Variants in SLC2A9 observed in about 807,000 individuals in gnomAD.
SLC2A9 encodes the protein solute carrier family 2 member 9.
SLC2A9 carries 39 observed loss-of-function variants against 50.6 expected under a neutral mutation model. That is an observed-to-expected ratio of 0.77 (90% CI 0.60 to 1.01). The LOEUF (loss-of-function observed/expected upper bound fraction) is 1.01. Ranked by LOEUF, SLC2A9 falls within the 50% of genes least tolerant of loss-of-function variation. The probability of loss-of-function intolerance (pLI) is 0.00; values close to 1 mark genes in which losing one functional copy is unlikely to be tolerated. For synonymous variants in SLC2A9, 324 were observed against 276.9 expected (o/e 1.17, Z -1.69); for missense variants, 686 against 677.6 (o/e 1.01, Z -0.14).
intron 3 of SLC2A9, among the ~76,000 whole-genome samples, chr4:9,808,071 G>C (rs1722362698): frequency 6.6e-6 from 1 of 152,156 alleles, no homozygotes; most frequent in African/African-American, 2.4e-5. Flanking sequence ...GCCATCTCTG[G>C]GCTGGGTGGC....
Position 9,931,950 on chromosome 4 carries a change from C to A in SLC2A9, c.814+9963G>T, listed in dbSNP as rs867750789. Among the ~76,000 whole-genome samples the A allele has an allele frequency of 1.4e-3, 80 of 58,502 alleles. 2 individuals carry two copies. Among genetic ancestry groups the A allele is most frequent in the African/African-American group, 2.1e-3 (19 of 9,016 alleles). 38.4% of individuals were successfully genotyped at this position (58,502 alleles called of 152,430 possible). ...TCTCTCTCTCTCTCTCTCTCTCTCT[C>A]TCTCTCTCTCTCTATATATATATAT... On this transcript the variant is annotated intron_variant, in intron 6 of 11. Transcript: ENST00000264784.
rs555949156 is a variant in SLC2A9, at chr4:10,039,735, A to G, written c.-41+395T>C. On this transcript the variant is annotated intron_variant, in intron 1 of 12. Transcript: ENST00000309065. ...ACTGGTCTCACCATGGCCCATCTCC[A>G]CTCTCCAGTCCAATTCTCTACAGCA... Among the ~76,000 whole-genome samples the G allele has an allele frequency of 1.6e-3, 235 of 151,420 alleles. 3 individuals carry two copies. Among genetic ancestry groups the G allele is most frequent in the African/African-American group, 4.3e-3 (177 of 41,234 alleles).
intron 6 of SLC2A9, among the ~76,000 whole-genome samples, chr4:9,938,949 G>C (rs551815160): frequency 3.3e-5 from 5 of 152,036 alleles, no homozygotes; most frequent in Non-Finnish European, 5.9e-5. Flanking sequence ...TCCCGAAAGG[G>C]GCCTCTTGTC....
chr4:9,790,752 G>C (rs1046925617), intron 3 of SLC2A9, among the ~76,000 whole-genome samples: 7 of 152,142 alleles, frequency 4.6e-5, no homozygotes, highest in African/African-American at 1.7e-4. Flanking sequence ...CTAGGGAATA[G>C]GGCCTAAGCT....
chr4:9,883,202 G>A (rs1444592790), intron 10 of SLC2A9, among the ~76,000 whole-genome samples: 1 of 151,822 alleles, frequency 6.6e-6, no homozygotes, highest in African/African-American at 2.4e-5. Flanking sequence ...TATTCACCTA[G>A]TATTTTTGTG....
At chr4:9,913,687 C>A (rs1239945869) in intron 7 of SLC2A9, among the ~76,000 whole-genome samples, 1 of 152,178 alleles carries the variant, frequency 6.6e-6, no homozygotes, top group Non-Finnish European at 1.5e-5. Context: ...CTGCCTCCTG[C>A]AGGAAGCTGG....
chr4:10,003,809 C>T (rs1760291167), intron 2 of SLC2A9, among the ~76,000 whole-genome samples: 1 of 152,194 alleles, frequency 6.6e-6, no homozygotes, highest in Non-Finnish European at 1.5e-5. Flanking sequence ...TGCTGTGTGG[C>T]AGTAACCATA....
chr4:9,813,610 T>G (rs924450529), intron 3 of SLC2A9, among the ~76,000 whole-genome samples: 4 of 152,158 alleles, frequency 2.6e-5, no homozygotes, highest in African/African-American at 9.7e-5. Context: ...AAAAATCCAG[T>G]GTAGTTAAGG....
chr4:10,032,579 C>T (rs926857240), intron 1 of SLC2A9, among the ~76,000 whole-genome samples: 2 of 152,016 alleles, frequency 1.3e-5, no homozygotes, highest in African/African-American at 4.8e-5. Context: ...GAAGCAGAGA[C>T]CAAATTTGGC....
At chr4:9,789,293 G>A (rs1411303132) in intron 3 of SLC2A9, among the ~76,000 whole-genome samples, 1 of 152,182 alleles carries the variant, frequency 6.6e-6, no homozygotes, top group East Asian at 1.9e-4. Context: ...TATTGTCAGG[G>A]TTATGTGCTG....
chr4:9,807,223 G>A (rs1453545735), intron 3 of SLC2A9, among the ~76,000 whole-genome samples: 1 of 152,092 alleles, frequency 6.6e-6, no homozygotes, highest in African/African-American at 2.4e-5. Context: ...CCTCACTCAG[G>A]GCTGTGGCCA....
At chr4:9,845,462 C>T (rs1728827002) in intron 10 of SLC2A9, among the ~76,000 whole-genome samples, 1 of 104,016 alleles carries the variant, frequency 9.6e-6, no homozygotes. Context: ...CGGAGTCTCG[C>T]TCTGTCGCCC....
intron 1 of SLC2A9, among the ~76,000 whole-genome samples, chr4:10,036,675 T>A (rs1305809125): frequency 6.6e-6 from 1 of 152,268 alleles, no homozygotes; most frequent in Non-Finnish European, 1.5e-5. Flanking sequence ...TTTCTCCCTT[T>A]TTCCAATACT....
downstream of SLC2A9, among the ~76,000 whole-genome samples, chr4:9,776,281 T>C (rs1560268717): frequency 6.6e-6 from 1 of 151,736 alleles, no homozygotes. Flanking sequence ...GAGAGTGGCT[T>C]AGAAGAAGAT....
chr4:9,987,960 T>C (rs1156637283), intron 3 of SLC2A9, among the ~76,000 whole-genome samples: 2 of 152,276 alleles, frequency 1.3e-5, no homozygotes, highest in Non-Finnish European at 2.9e-5. Flanking sequence ...GAGAGTCTTC[T>C]ATGCCACCAT....
intron 6 of SLC2A9, among the ~76,000 whole-genome samples, chr4:9,940,987 T>A (rs1396146970): frequency 2.0e-5 from 3 of 152,194 alleles, no homozygotes; most frequent in Non-Finnish European, 4.4e-5. Context: ...AATGGCCCCA[T>A]GAGGGAAGTT....
At chr4:9,887,451 C>G (rs1736476054) in intron 10 of SLC2A9, 116 bp downstream of exon 10, 3 of 961,390 alleles carry the variant, frequency 3.1e-6, no homozygotes, top group South Asian at 3.3e-5. Context: ...CACACATCCC[C>G]AGTCAGGCTT....
intron 1 of SLC2A9, among the ~76,000 whole-genome samples, chr4:10,029,670 G>A (rs1279899343): frequency 6.6e-6 from 1 of 151,292 alleles, no homozygotes; most frequent in East Asian, 1.9e-4. Context: ...AGGCTGGAGT[G>A]CAATGGCACA....
intron 3 of SLC2A9, among the ~76,000 whole-genome samples, chr4:9,817,589 C>T (rs1723782038): frequency 6.6e-6 from 1 of 152,200 alleles, no homozygotes; most frequent in Non-Finnish European, 1.5e-5. Context: ...TATGAGTGTC[C>T]TCGTTACTGC....
Sources: allele counts gnomAD v4.1 joint callset (sites outside exome capture counted in the v4.1 genomes callset), GRCh38; gene constraint gnomAD v4.1.1; transcripts MANE v1.5; gene names NCBI Gene and HGNC (gene_info 2026-07-23, HGNC 2026-07-21).